The following SLC2A14 variants were observed in gnomAD, a reference collection of about 807,000 sequenced individuals.
The protein encoded by SLC2A14 is solute carrier family 2 member 14.
A neutral mutation model predicts 43.0 loss-of-function variants in SLC2A14; 13 were observed. That is an observed-to-expected ratio of 0.30 (90% confidence interval 0.20 to 0.48). The LOEUF is 0.48. SLC2A14 is among the 20% of genes least tolerant of loss of function. The probability of loss-of-function intolerance (pLI) is 0.99; values close to 1 mark genes in which losing one functional copy is unlikely to be tolerated. For synonymous variants in SLC2A14, 190 were observed against 233.8 expected, an observed-to-expected ratio of 0.81 and a Z score of 1.71; for missense variants, 428 against 620.4, an observed-to-expected ratio of 0.69 and a Z score of 3.29.
intron 1 of SLC2A14, among the ~76,000 whole-genome samples, chr12:7,888,722 T>C (rs922281561): frequency 2.9e-5 from 4 of 139,838 alleles, no homozygotes; most frequent in Non-Finnish European, 6.0e-5. Flanking sequence ...CACTTGAACC[T>C]GGGAGGTAGA....
intron 7 of SLC2A14, among the ~76,000 whole-genome samples, chr12:7,823,239 T>A (rs191445516): frequency 9.9e-5 from 15 of 151,542 alleles, no homozygotes. Context: ...AAAAATTAGC[T>A]GGGTGTGGTG....
At chr12:7,814,682 T>A (rs1863279363) in intron 10 of SLC2A14, 148 bp from the exon 11 acceptor site, 1 of 939,936 alleles carries the variant, frequency 1.1e-6, no homozygotes, top group Admixed American at 2.9e-5. Flanking sequence ...AGAGATTTAC[T>A]TATGATTCTA....
At chr12:7,865,379 C>T (rs750589357) in intron 2 of SLC2A14, among the ~76,000 whole-genome samples, 28 of 151,988 alleles carry the variant, frequency 1.8e-4, no homozygotes, top group South Asian at 1.7e-3. Context: ...CTACTAAAAA[C>T]ACAAAATATT....
intron 1 of SLC2A14, among the ~76,000 whole-genome samples, chr12:7,882,234 C>A (rs1482130482): frequency 6.7e-6 from 1 of 150,316 alleles, no homozygotes; most frequent in East Asian, 1.9e-4. Context: ...CCGGGAGAAA[C>A]GAACGATTCC....
intron 2 of SLC2A14, among the ~76,000 whole-genome samples, chr12:7,847,704 C>A (rs7956032): frequency 0.49 from 73,912 of 151,822 alleles, 18,032 homozygotes; most frequent in Middle Eastern, 0.57. Context: ...TTTCCTTCCC[C>A]TCATTCTTCC....
rs1474779123 is a variant in SLC2A14 at position 7,814,349 on chromosome 12, G to A, written c.1461C>T (p.Ile487=). 21 of 1,609,560 alleles carry A rather than the reference G, an allele frequency of 1.3e-5. No individual in the cohort carries two copies. The highest frequency in any genetic ancestry group is 1.7e-5 in the Non-Finnish European group (20 of 1,178,260). ...GKDGVMGMNS[I]EPAKETTTNV is the part of the protein sequence containing the mutation. The stretch of plus-strand genomic sequence containing the variant: ...TGGTGGTGGTCTCCTTAGCAGGCTC[G>A]ATGCTGTTCATCCCCATGACGCCGT... Residue 487 remains isoleucine, a synonymous_variant, in exon 11 of 11, where the codon ATC becomes ATT. Transcript: ENST00000431042.
intron 6 of SLC2A14, 111 bp from the exon 7 acceptor site, chr12:7,827,793 C>T: frequency 6.6e-7 from 1 of 1,518,268 alleles, no homozygotes; most frequent in Non-Finnish European, 8.8e-7. Flanking sequence ...TGGGTAGCAT[C>T]CATTCCTGAA....
At chr12:7,847,876 G>A (rs1260247191) in intron 2 of SLC2A14, among the ~76,000 whole-genome samples, 2 of 152,072 alleles carry the variant, frequency 1.3e-5, no homozygotes, top group Non-Finnish European at 2.9e-5. Context: ...GTCAAAAGAG[G>A]AACTACACAG....
intron 1 of SLC2A14, among the ~76,000 whole-genome samples, chr12:7,880,008 A>T (rs1414002333): frequency 6.6e-6 from 1 of 151,660 alleles, no homozygotes; most frequent in African/African-American, 2.4e-5. Flanking sequence ...CTCCAAAAAA[A>T]TAAGAAACAA....
chr12:7,890,063 C>G (rs777364152), intron 1 of SLC2A14, among the ~76,000 whole-genome samples: 9 of 152,226 alleles, frequency 5.9e-5, no homozygotes, highest in African/African-American at 1.4e-4. Context: ...GTTTTATCAG[C>G]AAGGTCTTTA....
chr12:7,876,048 G>A (rs892181215), upstream of SLC2A14, among the ~76,000 whole-genome samples: 2 of 151,882 alleles, frequency 1.3e-5, no homozygotes, highest in African/African-American at 2.4e-5. Flanking sequence ...GGAGGCCGAG[G>A]TGGGCAGATC....
At chr12:7,824,012 T>C (rs903148969) in intron 7 of SLC2A14, among the ~76,000 whole-genome samples, 52 of 152,192 alleles carry the variant, frequency 3.4e-4, no homozygotes, top group African/African-American at 1.2e-3. Context: ...TCCCAGCACA[T>C]TGGGAGGCTG....
intron 2 of SLC2A14, among the ~76,000 whole-genome samples, chr12:7,845,839 C>T (rs1162265571): frequency 3.4e-5 from 5 of 148,634 alleles, no homozygotes; most frequent in Admixed American, 6.8e-5. Context: ...CGCCTGTAAT[C>T]GCAGCACTTT....
chr12:7,814,781 T>A (rs1863286097), intron 10 of SLC2A14, among the ~76,000 whole-genome samples: 2 of 152,186 alleles, frequency 1.3e-5, no homozygotes, highest in Middle Eastern at 3.4e-3. Flanking sequence ...CTGAGTATTT[T>A]TGGACTTTTG....
chr12:7,825,913 C>T (rs1169377643), intron 7 of SLC2A14, among the ~76,000 whole-genome samples: 1 of 151,928 alleles, frequency 6.6e-6, no homozygotes, highest in East Asian at 1.9e-4. Flanking sequence ...TTTTGCAGGG[C>T]CCAGACTGTG....
At chr12:7,876,996 ATT>A (rs200535580), upstream of SLC2A14, among the ~76,000 whole-genome samples, 3 of 143,718 alleles carry the variant, frequency 2.1e-5, no homozygotes, top group Non-Finnish European at 3.0e-5. Flanking sequence ...AAGCTGAATA[ATT>A]TTTTTTCTTT....
intron 2 of SLC2A14, among the ~76,000 whole-genome samples, chr12:7,836,439 C>G (rs1388308921): frequency 2.0e-5 from 3 of 152,022 alleles, no homozygotes; most frequent in Non-Finnish European, 4.4e-5. Context: ...CCAGGCTGGT[C>G]TCGAACTCCT....
chr12:7,855,001 G>A (rs10846057), intron 2 of SLC2A14, among the ~76,000 whole-genome samples: 1 of 151,440 alleles, frequency 6.6e-6, no homozygotes, highest in East Asian at 1.9e-4. Context: ...GTAGAAACAG[G>A]GTTTCACCAT....
chr12:7,873,878 C>A (rs1945360721), upstream of SLC2A14, among the ~76,000 whole-genome samples: 1 of 151,984 alleles, frequency 6.6e-6, no homozygotes. Flanking sequence ...TCCCCTAGCC[C>A]AAGCATAAGG....
Sources: allele counts gnomAD v4.1 joint callset (sites outside exome capture counted in the v4.1 genomes callset), GRCh38; gene constraint gnomAD v4.1.1; transcripts MANE v1.5; gene names NCBI Gene and HGNC (gene_info 2026-07-23, HGNC 2026-07-21).